MPP7: variants seen among roughly 807,000 people sequenced by gnomAD.
The protein encoded by MPP7 is MAGUK p55 subfamily member 7.
MPP7 carries 60 observed loss-of-function variants against 76.5 expected under a neutral mutation model. The ratio of observed to expected loss-of-function variants is 0.78; its 90% CI spans 0.64 to 0.97. MPP7 has a LOEUF of 0.97. MPP7 is among the 50% of genes least tolerant of loss of function. The pLI is 0.00. For missense variants in MPP7, 641 were observed against 694.0 expected, an observed-to-expected ratio of 0.92 and a Z score of 0.86; for synonymous variants, 237 against 244.5, an observed-to-expected ratio of 0.97 and a Z score of 0.29.
intron 8 of MPP7, among the ~76,000 whole-genome samples, chr10:28,121,292 T>C (rs541997998): frequency 9.3e-5 from 14 of 150,068 alleles, no homozygotes; most frequent in Admixed American, 8.7e-4. Flanking sequence ...TAAAGAATAA[T>C]GTACAAGGTT....
chr10:28,118,556 G>A, intron 11 of MPP7: 1 of 985,350 alleles, frequency 1.0e-6, no homozygotes, highest in South Asian at 4.7e-5. Context: ...TTAGTGAGTT[G>A]GCCAGTGAAA....
intron 1 of MPP7, among the ~76,000 whole-genome samples, chr10:28,332,246 CGTGTGT>C (rs4018712): frequency 4.1e-5 from 6 of 146,792 alleles, no homozygotes; most frequent in African/African-American, 1.3e-4. Context: ...CAAATGTATG[CGTGTGT>C]GTGTGTGTGT....
chr10:28,184,516 C>T (rs1431865032), intron 3 of MPP7, among the ~76,000 whole-genome samples: 2 of 149,326 alleles, frequency 1.3e-5, no homozygotes, highest in East Asian at 3.9e-4. Flanking sequence ...TGAGACCAGG[C>T]TGGCCAACAT....
chr10:28,289,812 C>T (rs1373393945), intron 1 of MPP7, among the ~76,000 whole-genome samples: 1 of 152,044 alleles, frequency 6.6e-6, no homozygotes, highest in Non-Finnish European at 1.5e-5. Flanking sequence ...AAGGCCGAAA[C>T]ATTGATTTTA....
intron 3 of MPP7, among the ~76,000 whole-genome samples, chr10:28,200,225 G>A (rs561910019): frequency 1.6e-3 from 246 of 152,260 alleles, no homozygotes; most frequent in African/African-American, 5.7e-3. Context: ...TTACATACTT[G>A]AAAACGAATA....
At chr10:28,096,229 T>C (rs1853565263) in intron 11 of MPP7, among the ~76,000 whole-genome samples, 1 of 152,228 alleles carries the variant, frequency 6.6e-6, no homozygotes, top group African/African-American at 2.4e-5. Context: ...AGACAGATCC[T>C]GTCCAAATGC....
intron 12 of MPP7, among the ~76,000 whole-genome samples, chr10:28,073,334 C>T (rs1431517577): frequency 6.6e-6 from 1 of 152,184 alleles, no homozygotes; most frequent in African/African-American, 2.4e-5. Flanking sequence ...TTTTATCTGC[C>T]TTACATCTGC....
intron 3 of MPP7, among the ~76,000 whole-genome samples, chr10:28,156,625 T>C (rs1480575160): frequency 2.0e-5 from 3 of 152,020 alleles, no homozygotes; most frequent in Non-Finnish European, 4.4e-5. Context: ...GACCACCAGA[T>C]ACGGACACAG....
chr10:28,080,487 C>T (rs997323125), intron 12 of MPP7, among the ~76,000 whole-genome samples: 2 of 152,126 alleles, frequency 1.3e-5, no homozygotes, highest in East Asian at 1.9e-4. Flanking sequence ...ATAGACTTAT[C>T]GCCTTCTAAC....
At chr10:28,103,726 T>C (rs1190032945) in intron 11 of MPP7, among the ~76,000 whole-genome samples, 1 of 142,650 alleles carries the variant, frequency 7.0e-6, no homozygotes, top group Non-Finnish European at 1.5e-5. Context: ...GCATCTAGAA[T>C]GTAAAAGGCA....
chr10:28,286,027 A>C (rs763142399), intron 1 of MPP7, among the ~76,000 whole-genome samples: 33 of 152,218 alleles, frequency 2.2e-4, no homozygotes, highest in Non-Finnish European at 3.5e-4. Flanking sequence ...AACTTTGTAC[A>C]GGTCAGGAGT....
At chr10:28,069,410 C>T (rs9732508) in intron 13 of MPP7, among the ~76,000 whole-genome samples, 26,100 of 151,912 alleles carry the variant, frequency 0.17, 3,092 homozygotes, top group East Asian at 0.33. Flanking sequence ...CAAGACCATC[C>T]TGGCCAACAT....
intron 11 of MPP7, among the ~76,000 whole-genome samples, 184 bp from the exon 12 acceptor site, chr10:28,090,025 A>C (rs1418064040): frequency 2.0e-5 from 3 of 152,120 alleles, no homozygotes; most frequent in Non-Finnish European, 4.4e-5. Context: ...CAGTGGCGCC[A>C]TCACAGCTTA....
intron 2 of MPP7, among the ~76,000 whole-genome samples, chr10:28,227,399 A>G (rs1022225889): frequency 1.3e-5 from 2 of 152,106 alleles, no homozygotes; most frequent in African/African-American, 2.4e-5. Context: ...TGCTGCACCT[A>G]TCAACCCATC....
chr10:28,294,131 C>T (rs1840986372), intron 1 of MPP7, among the ~76,000 whole-genome samples: 1 of 152,134 alleles, frequency 6.6e-6, no homozygotes, highest in African/African-American at 2.4e-5. Context: ...CACAGTGAAA[C>T]CCTGTCTCTA....
At chr10:28,119,614 G>A (rs78800124) in intron 11 of MPP7, 37 bp downstream of exon 11, 25,090 of 1,550,466 alleles carry the variant, frequency 0.016, 815 homozygotes, top group East Asian at 0.15. Context: ...ATAAACATCA[G>A]GGTTTGGTTT....
At chr10:28,255,279 A>C (rs1839747948) in intron 1 of MPP7, among the ~76,000 whole-genome samples, 1 of 151,460 alleles carries the variant, frequency 6.6e-6, no homozygotes, top group African/African-American at 2.4e-5. Context: ...ACGCCTGACT[A>C]GTTTTTGTAT....
intron 5 of MPP7, among the ~76,000 whole-genome samples, chr10:28,143,776 C>T (rs1835606758): frequency 7.1e-6 from 1 of 141,230 alleles, no homozygotes; most frequent in Admixed American, 7.0e-5. Flanking sequence ...CCACGTATTA[C>T]AATTGTCCCT....
chr10:28,190,788 C>T (rs1002741367), intron 3 of MPP7, among the ~76,000 whole-genome samples: 2 of 150,300 alleles, frequency 1.3e-5, no homozygotes, highest in Non-Finnish European at 3.0e-5. Flanking sequence ...AGAAATCAGA[C>T]AATAAGAGCA....
Sources: allele counts gnomAD v4.1 joint callset (sites outside exome capture counted in the v4.1 genomes callset), GRCh38; gene constraint gnomAD v4.1.1; transcripts MANE v1.5; gene names NCBI Gene and HGNC (gene_info 2026-07-23, HGNC 2026-07-21).